The following PARD3 variants were observed in gnomAD, a reference collection of about 807,000 sequenced individuals.
The protein encoded by PARD3 is partitioning defective 3 homolog.
Under a neutral mutation model 155.4 loss-of-function variants are expected in PARD3, and 75 were observed. The observed-to-expected ratio is 0.48, with a 90% CI of 0.40 to 0.58. The LOEUF (loss-of-function observed/expected upper bound fraction) is 0.58, where lower values mean the gene tolerates loss of function less well. PARD3 is among the 20% of genes least tolerant of loss of function. PARD3 has a pLI of 0.00. For missense variants in PARD3, 1,642 were observed against 1,721.7 expected (o/e 0.95, Z 0.82); for synonymous variants, 576 against 610.5 (o/e 0.94, Z 0.83).
intron 22 of PARD3, among the ~76,000 whole-genome samples, chr10:34,236,510 T>A (rs574186181): frequency 1.3e-5 from 2 of 152,236 alleles, no homozygotes; most frequent in Admixed American, 1.3e-4. Context: ...GCTTTAATTA[T>A]AAAAATATTC....
At chr10:34,563,025 T>C (rs1282000826) in intron 2 of PARD3, among the ~76,000 whole-genome samples, 1 of 152,094 alleles carries the variant, frequency 6.6e-6, no homozygotes, top group African/African-American at 2.4e-5. Context: ...TCAACCTTGA[T>C]CTCCCAAAGT....
At chr10:34,145,183 G>A (rs1211598129) in intron 22 of PARD3, among the ~76,000 whole-genome samples, 2 of 80,268 alleles carry the variant, frequency 2.5e-5, no homozygotes, top group African/African-American at 1.1e-4. Context: ...CATTGTGTGT[G>A]TGTGTGTATA....
intron 22 of PARD3, among the ~76,000 whole-genome samples, chr10:34,250,686 T>A (rs1445326014): frequency 2.6e-5 from 4 of 151,844 alleles, no homozygotes; most frequent in Admixed American, 6.6e-5. Context: ...AAAAAATCAC[T>A]CAAGATGTTT....
intron 14 of PARD3, among the ~76,000 whole-genome samples, chr10:34,354,377 C>CAA (rs745511013): frequency 3.3e-5 from 4 of 121,080 alleles, no homozygotes; most frequent in South Asian, 5.7e-4. Flanking sequence ...GACTCTGTCT[C>CAA]AAAAAAAAAA....
chr10:34,336,119 A>G, intron 18 of PARD3, 80 bp downstream of exon 18: 1 of 986,990 alleles, frequency 1.0e-6, no homozygotes. Context: ...TTTACATGGC[A>G]TATGATTGGC....
intron 22 of PARD3, among the ~76,000 whole-genome samples, chr10:34,188,066 C>A (rs985304272): frequency 2.0e-5 from 3 of 152,174 alleles, no homozygotes; most frequent in Non-Finnish European, 4.4e-5. Context: ...CAGCATAAAT[C>A]ATGTGTTAGA....
At chr10:34,545,809 C>T (rs1320274891) in intron 2 of PARD3, among the ~76,000 whole-genome samples, 1 of 152,194 alleles carries the variant, frequency 6.6e-6, no homozygotes, top group African/African-American at 2.4e-5. Flanking sequence ...CTGCCCACCT[C>T]GGCTTCCCCA....
intron 22 of PARD3, among the ~76,000 whole-genome samples, chr10:34,183,571 AC>A (rs1950358056): frequency 1.3e-5 from 2 of 152,172 alleles, no homozygotes; most frequent in Admixed American, 1.3e-4. Flanking sequence ...CACCAGGTGT[AC>A]CAAGTGTCAT....
chr10:34,389,087 C>T (rs1428555979), intron 7 of PARD3, among the ~76,000 whole-genome samples: 1 of 151,828 alleles, frequency 6.6e-6, no homozygotes. Context: ...CAAATCTATT[C>T]CTCTTCTAGT....
intron 1 of PARD3, among the ~76,000 whole-genome samples, chr10:34,727,127 T>G (rs76216122): frequency 1.6e-3 from 241 of 152,290 alleles, no homozygotes; most frequent in African/African-American, 5.5e-3. Context: ...TGGTGGGGGA[T>G]TCCATCCTTC....
intron 2 of PARD3, among the ~76,000 whole-genome samples, chr10:34,643,565 A>G (rs1243064867): frequency 6.6e-6 from 1 of 152,272 alleles, no homozygotes; most frequent in Non-Finnish European, 1.5e-5. Flanking sequence ...ATTACCATAG[A>G]GAATTCCTTT....
chr10:34,794,558 T>C (rs1842042356), intron 1 of PARD3, among the ~76,000 whole-genome samples: 1 of 152,238 alleles, frequency 6.6e-6, no homozygotes, highest in Admixed American at 6.5e-5. Flanking sequence ...TTCCCACCTC[T>C]GTGTATGAAC....
chr10:34,396,849 ATG>A (rs1491563367), intron 7 of PARD3, among the ~76,000 whole-genome samples: 1 of 152,126 alleles, frequency 6.6e-6, no homozygotes, highest in Non-Finnish European at 1.5e-5. Flanking sequence ...ACAAGCCACC[ATG>A]AAGTTGACAC....
At chr10:34,494,938 T>C (rs1000579862) in intron 3 of PARD3, among the ~76,000 whole-genome samples, 7 of 152,084 alleles carry the variant, frequency 4.6e-5, no homozygotes, top group African/African-American at 1.7e-4. Flanking sequence ...CCAATTCCAC[T>C]GTCAGGGAAG....
chr10:34,205,893 G>A (rs764025605), intron 22 of PARD3, among the ~76,000 whole-genome samples: 4 of 152,152 alleles, frequency 2.6e-5, no homozygotes, highest in African/African-American at 9.7e-5. Flanking sequence ...CTGGGGCTGC[G>A]CATCTGATGG....
At chr10:34,472,751 A>C (rs544303406) in intron 3 of PARD3, among the ~76,000 whole-genome samples, 1 of 152,338 alleles carries the variant, frequency 6.6e-6, no homozygotes, top group South Asian at 2.1e-4. Context: ...CTATAGTAAA[A>C]TAATCAAAGA....
At chr10:34,533,266 C>T (rs1283765872) in intron 2 of PARD3, among the ~76,000 whole-genome samples, 3 of 152,068 alleles carry the variant, frequency 2.0e-5, no homozygotes, top group Non-Finnish European at 4.4e-5. Context: ...AGACACTGAA[C>T]ACTACTAGAA....
In PARD3 at chr10:34,111,091, A is replaced by T; in HGVS notation, c.*78T>A. The T allele has an allele frequency of 5.4e-6, 8 of 1,476,320 alleles. No individual in the cohort carries two copies. Among genetic ancestry groups the T allele is most frequent in the Non-Finnish European group, 6.3e-6 (7 of 1,103,098 alleles). 91.5% of individuals were successfully genotyped at this position (1,476,320 alleles called of 1,614,324 possible). On this transcript the variant is annotated 3_prime_UTR_variant, in exon 25 of 25. Coordinates refer to ENST00000374788, the MANE Select transcript of PARD3 (RefSeq NM_001184785.2). The stretch of plus-strand genomic sequence containing the variant: ...TACTCCATAGTACCATCGAGGTTTT[A>T]AAAAAACTCCCAAAATACAAGTCTT...
intron 20 of PARD3, among the ~76,000 whole-genome samples, chr10:34,297,772 C>A (rs548383057): frequency 3.3e-5 from 5 of 152,222 alleles, no homozygotes; most frequent in Admixed American, 3.3e-4. Flanking sequence ...GGCTTCAGAG[C>A]AGTGAGCTAG....
Sources: allele counts gnomAD v4.1 joint callset (sites outside exome capture counted in the v4.1 genomes callset), GRCh38; gene constraint gnomAD v4.1.1; transcripts MANE v1.5; gene names NCBI Gene and HGNC (gene_info 2026-07-23, HGNC 2026-07-21).